ONECUT2: variants seen among roughly 807,000 people sequenced by gnomAD.
The protein encoded by ONECUT2 is one cut homeobox 2.
ONECUT2 carries 10 observed loss-of-function variants against 27.9 expected under a neutral mutation model. The ratio of observed to expected loss-of-function variants is 0.36; its 90% CI spans 0.22 to 0.61. The LOEUF (loss-of-function observed/expected upper bound fraction) is 0.61, where lower values mean the gene tolerates loss of function less well. Among genes scored for constraint, ONECUT2 ranks in the 20% least tolerant of loss-of-function variants. The probability of loss-of-function intolerance (pLI) is 0.73; values close to 1 mark genes in which losing one functional copy is unlikely to be tolerated. For missense variants in ONECUT2, 686 were observed against 721.0 expected, an observed-to-expected ratio of 0.95 and a Z score of 0.56; for synonymous variants, 334 against 315.1, an observed-to-expected ratio of 1.06 and a Z score of -0.64.
intron 1 of ONECUT2, among the ~76,000 whole-genome samples, chr18:57,475,877 C>T (rs548835274): frequency 3.5e-4 from 54 of 152,200 alleles, no homozygotes; most frequent in African/African-American, 9.6e-4. Context: ...AAAGTCTGGA[C>T]GAAAGGAATT....
At chr18:57,440,237 A>G (rs1275045989) in intron 1 of ONECUT2, among the ~76,000 whole-genome samples, 1 of 152,222 alleles carries the variant, frequency 6.6e-6, no homozygotes, top group African/African-American at 2.4e-5. Context: ...GAGGCGGCCA[A>G]GACAAATTTC....
At chr18:57,440,126 A>C (rs1011413430) in intron 1 of ONECUT2, among the ~76,000 whole-genome samples, 1 of 152,260 alleles carries the variant, frequency 6.6e-6, no homozygotes, top group African/African-American at 2.4e-5. Flanking sequence ...TCGTTCGGAA[A>C]GGGCGGCTAA....
intron 1 of ONECUT2, among the ~76,000 whole-genome samples, chr18:57,474,638 T>A (rs907332726): frequency 6.6e-6 from 1 of 152,106 alleles, no homozygotes; most frequent in African/African-American, 2.4e-5. Flanking sequence ...TATGGCCCAA[T>A]CACCTCCCAA....
intron 1 of ONECUT2, among the ~76,000 whole-genome samples, chr18:57,457,944 G>A (rs113494329): frequency 8.5e-5 from 13 of 152,214 alleles, no homozygotes; most frequent in South Asian, 4.2e-4. Context: ...GACACAGGGC[G>A]GGGAACATCA....
At chr18:57,468,009 A>G (rs1032376164) in intron 1 of ONECUT2, among the ~76,000 whole-genome samples, 1 of 152,330 alleles carries the variant, frequency 6.6e-6, no homozygotes, top group African/African-American at 2.4e-5. Context: ...ACTAGCCCAT[A>G]GGTGGTTCAC....
Position 57,491,235 on chromosome 18 carries a change from A to G in ONECUT2, c.*14512A>G, listed in dbSNP as rs961807607. 6.9e-6 allele frequency: 1 copy of G among 144,220 alleles called. No individual in the cohort carries two copies. The highest frequency in any genetic ancestry group is 1.5e-5 in the Non-Finnish European group (1 of 64,988). 8.9% of individuals were successfully genotyped at this position (144,220 alleles called of 1,614,324 possible). ...CTGGATTCTTTCTATTTTTATTCCTATCATTAAATGGTAGTGCTGTAAATT... is the reference window on the plus strand; with the variant it reads ...CTGGATTCTTTCTATTTTTATTCCTGTCATTAAATGGTAGTGCTGTAAATT... On this transcript the variant is annotated 3_prime_UTR_variant, in exon 2 of 2. Coordinates refer to ENST00000491143, the MANE Select transcript of ONECUT2 (RefSeq NM_004852.3).
intron 1 of ONECUT2, among the ~76,000 whole-genome samples, chr18:57,445,577 G>A (rs485401): frequency 6.6e-6 from 1 of 151,884 alleles, no homozygotes; most frequent in East Asian, 1.9e-4. Flanking sequence ...TTTGTTTTAT[G>A]TGATTGAAAA....
rs1192294772 is a variant in ONECUT2, at chr18:57,479,285, CT to C, written c.*2566del. ...ATGTAAAAATAATTGCCAGTTTCTA[CT>C]TTTCTATTAGCTTTTTAAAAATCAG... On this transcript the variant is annotated 3_prime_UTR_variant, in exon 2 of 2. Transcript: ENST00000491143. 7 of 152,360 alleles carry C rather than the reference CT, an allele frequency of 4.6e-5. No individual in the cohort carries two copies. Among genetic ancestry groups the C allele is most frequent in the African/African-American group, 1.7e-4 (7 of 41,406 alleles). 9.4% of individuals were successfully genotyped at this position (152,360 alleles called of 1,614,324 possible).
At chr18:57,449,672 C>T (rs2144309548) in intron 1 of ONECUT2, among the ~76,000 whole-genome samples, 1 of 152,302 alleles carries the variant, frequency 6.6e-6, no homozygotes, top group East Asian at 1.9e-4. Flanking sequence ...CCCAGTCAGT[C>T]AGTTCTCCTC....
chr18:57,476,446 G>A lies in ONECUT2; in HGVS notation c.1238G>A (p.Arg413His), dbSNP rs754231626. 5.0e-6 allele frequency: 8 copies of A among 1,613,778 alleles called. No homozygotes were observed. The highest frequency in any genetic ancestry group is 2.2e-5 in the East Asian group (1 of 44,872). ...MSALRLAACK[R>H]KEQEPNKDRN... Reference sequence around the variant, plus strand: ...TCTCTTTCCCTTCAAGCGTGCAAACGCAAAGAGCAAGAACCAAACAAAGAC... The same window carrying A: ...TCTCTTTCCCTTCAAGCGTGCAAACACAAAGAGCAAGAACCAAACAAAGAC... Residue 413 changes from arginine to histidine, a missense_variant, in exon 2 of 2, where the codon CGC becomes CAC. Physicochemically the swap from Arg to His is conservative, Grantham distance 29. Transcript: ENST00000491143.
At chr18:57,472,344 C>A (rs1174132467) in intron 1 of ONECUT2, among the ~76,000 whole-genome samples, 1 of 152,200 alleles carries the variant, frequency 6.6e-6, no homozygotes, top group East Asian at 1.9e-4. Flanking sequence ...CAGCCTCACA[C>A]CAGCTCCCAG....
rs2050438899 is a variant in ONECUT2, at chr18:57,486,462, T to C, written c.*9739T>C. 6.6e-6 allele frequency: 1 copy of C among 152,632 alleles called. No individual in the cohort carries two copies. Among genetic ancestry groups the C allele is most frequent in the African/African-American group, 2.4e-5 (1 of 41,456 alleles). 9.5% of individuals were successfully genotyped at this position (152,632 alleles called of 1,614,324 possible). On this transcript the variant is annotated 3_prime_UTR_variant, in exon 2 of 2. Coordinates refer to ENST00000491143, the MANE Select transcript of ONECUT2 (RefSeq NM_004852.3). ...TCTTCACGGTTCCAAAGCTTTACTATGAACCTGGGCATGTTGGCAATGCAG... is the reference window on the plus strand; with the variant it reads ...TCTTCACGGTTCCAAAGCTTTACTACGAACCTGGGCATGTTGGCAATGCAG...
In ONECUT2 at chr18:57,436,553, C is replaced by T; in HGVS notation, c.837C>T (p.Arg279=). The T allele has an allele frequency of 2.5e-6, 4 of 1,611,862 alleles. No homozygotes were observed. The highest frequency in any genetic ancestry group is 2.2e-5 in the South Asian group (2 of 91,072). Residue 279 remains arginine (R), a synonymous_variant, in exon 1 of 2, where the codon CGC becomes CGT. Coordinates refer to ENST00000491143, the MANE Select transcript of ONECUT2 (RefSeq NM_004852.3). The surrounding 1 kb of genome is among the most constrained non-coding windows in gnomAD (Gnocchi z 5.9). The stretch of plus-strand genomic sequence containing the variant: ...CCCGCGGTGAGCAACACCTGTCCCG[C>T]GGCCTGGGCACCCCACCTGCGGCCA... ...MLTRGEQHLS[R]GLGTPPAAMM...
At chr18:57,475,572 GT>G (rs2050377794) in intron 1 of ONECUT2, among the ~76,000 whole-genome samples, 1 of 152,150 alleles carries the variant, frequency 6.6e-6, no homozygotes, top group Non-Finnish European at 1.5e-5. Flanking sequence ...CAGAGGCCTG[GT>G]TGCTGCCTTC....
In ONECUT2 at chr18:57,436,469, G is replaced by T. The variant is rs751207611; in HGVS notation, c.753G>T (p.Pro251=). ...AGCAGAGTCTGCCCAACTACGGTCC[G>T]CCGGGCCACGACAAAATGCTCAGCC... The part of the protein sequence containing the change: ...NAQQSLPNYG[P]PGHDKMLSPN... Residue 251 remains proline (P), a synonymous_variant, in exon 1 of 2, where the codon CCG becomes CCT. Coordinates refer to ENST00000491143, the MANE Select transcript of ONECUT2 (RefSeq NM_004852.3). The surrounding 1 kb of genome is among the most constrained non-coding windows in gnomAD (Gnocchi z 5.9). 2 of 1,612,926 alleles carry T rather than the reference G, an allele frequency of 1.2e-6. No individual in the cohort carries two copies. The highest frequency in any genetic ancestry group is 2.2e-5 in the East Asian group (1 of 44,870).
chr18:57,442,004 C>T (rs1296044684), intron 1 of ONECUT2, among the ~76,000 whole-genome samples: 1 of 152,112 alleles, frequency 6.6e-6, no homozygotes, highest in African/African-American at 2.4e-5. Flanking sequence ...GGCCGAGGCC[C>T]GGGTCACTGG....
At chr18:57,463,471 T>C (rs1260008093) in intron 1 of ONECUT2, among the ~76,000 whole-genome samples, 2 of 152,172 alleles carry the variant, frequency 1.3e-5, no homozygotes, top group Non-Finnish European at 2.9e-5. Flanking sequence ...ACTCAAACTT[T>C]CTTTCCTTTC....
Position 57,436,127 on chromosome 18 carries a change from G to C in ONECUT2, c.411G>C (p.Ser137=), listed in dbSNP as rs1235447370. ...LHHAMSMSCD[S]SPPGMGMSNT... Reference sequence around the variant, plus strand: ...ACGCCATGAGCATGTCCTGCGACTCGTCTCCGCCTGGCATGGGCATGAGCA... The same window carrying C: ...ACGCCATGAGCATGTCCTGCGACTCCTCTCCGCCTGGCATGGGCATGAGCA... Residue 137 remains serine, a synonymous_variant, in exon 1 of 2, where the codon TCG becomes TCC. Transcript: ENST00000491143. This position sits in a 1 kb window ranked among gnomAD's most constrained non-coding sequence, Gnocchi z 5.9. 6.2e-7 allele frequency: 1 copy of C among 1,602,674 alleles called. No individual in the cohort carries two copies. Among genetic ancestry groups the C allele is most frequent in the East Asian group, 2.2e-5 (1 of 44,846 alleles).
Position 57,476,749 on chromosome 18 carries a change from G to T in ONECUT2, c.*26G>T. The T allele has an allele frequency of 6.2e-7, 1 of 1,610,418 alleles. No homozygotes were observed. The highest frequency in any genetic ancestry group is 8.5e-7 in the Non-Finnish European group (1 of 1,178,022). On this transcript the variant is annotated 3_prime_UTR_variant, in exon 2 of 2. Transcript: ENST00000491143. Reference sequence around the variant, plus strand: ...TGGAAGGACTCTCACTTGGGCACAAGTCACCTCCAAATGAGGACAACAGAT... The same window carrying T: ...TGGAAGGACTCTCACTTGGGCACAATTCACCTCCAAATGAGGACAACAGAT...
Sources: allele counts gnomAD v4.1 joint callset (sites outside exome capture counted in the v4.1 genomes callset), GRCh38; gene constraint gnomAD v4.1.1; non-coding constraint Gnocchi (gnomAD v3.1); transcripts MANE v1.5; gene names NCBI Gene and HGNC (gene_info 2026-07-23, HGNC 2026-07-21).